The following ROBO2 variants were observed in gnomAD, a reference collection of about 807,000 sequenced individuals.
ROBO2 encodes the protein roundabout guidance receptor 2.
A neutral mutation model predicts 160.8 loss-of-function variants in ROBO2; 53 were observed. That is an observed-to-expected ratio of 0.33 (90% CI 0.26 to 0.41). The LOEUF (loss-of-function observed/expected upper bound fraction) is 0.41, where lower values mean the gene tolerates loss of function less well. Among genes scored for constraint, ROBO2 ranks in the 10% least tolerant of loss-of-function variants. The pLI, the probability that ROBO2 is intolerant of heterozygous loss-of-function variation, is 1.00. For synonymous variants in ROBO2, 664 were observed against 611.7 expected (o/e 1.09, Z -1.26); for missense variants, 1,577 against 1,722.4 (o/e 0.92, Z 1.49).
At chr3:75,942,145 C>T (rs1404281854) in intron 2 of ROBO2, among the ~76,000 whole-genome samples, 1 of 152,058 alleles carries the variant, frequency 6.6e-6, no homozygotes, top group Non-Finnish European at 1.5e-5. Context: ...ACAGCTACAG[C>T]TTTTAATTAG....
chr3:76,929,099 A>C (rs1017646205), intron 2 of ROBO2, among the ~76,000 whole-genome samples: 10 of 152,222 alleles, frequency 6.6e-5, no homozygotes, highest in Non-Finnish European at 1.5e-4. Flanking sequence ...ATCTGTACTA[A>C]AAATACAAAA....
chr3:76,862,583 G>A (rs1343377486), intron 2 of ROBO2, among the ~76,000 whole-genome samples: 3 of 152,078 alleles, frequency 2.0e-5, no homozygotes, highest in African/African-American at 7.2e-5. Flanking sequence ...CCAAGGCTGT[G>A]TGTTCAGATT....
intron 2 of ROBO2, among the ~76,000 whole-genome samples, chr3:76,227,928 T>C (rs989403905): frequency 1.3e-5 from 2 of 152,332 alleles, no homozygotes; most frequent in South Asian, 4.1e-4. Flanking sequence ...TTAGATTTCG[T>C]TTAAAGATAT....
intron 2 of ROBO2, among the ~76,000 whole-genome samples, chr3:77,402,686 C>A (rs2075912723): frequency 6.6e-6 from 1 of 151,988 alleles, no homozygotes; most frequent in African/African-American, 2.4e-5. Flanking sequence ...CTCCAGTAAA[C>A]ACAGTGCACA....
intron 2 of ROBO2, among the ~76,000 whole-genome samples, chr3:77,295,474 ATGGGTAAG>A (rs1221579843): frequency 2.7e-5 from 4 of 150,922 alleles, no homozygotes; most frequent in African/African-American, 4.9e-5. Context: ...TGACGGTTAA[ATGGGTAAG>A]CTGAGGCTAG....
At chr3:77,324,854 T>C (rs1481009481) in intron 2 of ROBO2, among the ~76,000 whole-genome samples, 1 of 147,692 alleles carries the variant, frequency 6.8e-6, no homozygotes, top group African/African-American at 2.6e-5. Flanking sequence ...AACTAGCGCG[T>C]GTTTCCTGTA....
chr3:76,231,393 T>C lies in ROBO2; in HGVS notation c.109+293791T>C, dbSNP rs142017642. 2.7e-4 allele frequency among the ~76,000 whole-genome samples: 41 copies of C among 152,326 alleles called. 1 individual carries two copies. Among genetic ancestry groups the C allele is most frequent in the African/African-American group, 7.0e-4 (29 of 41,580 alleles). On this transcript the variant is annotated intron_variant, in intron 2 of 26. Coordinates refer to the ROBO2 transcript ENST00000487694. ...TGTCCATTCCTTCTCAGGCTCATTC[T>C]CTTCCTCTGTAGTCCTTCATCTGTA...
At chr3:77,514,753 A>T (rs1263188330) in intron 5 of ROBO2, among the ~76,000 whole-genome samples, 14 of 151,832 alleles carry the variant, frequency 9.2e-5, no homozygotes, top group Admixed American at 4.6e-4. Flanking sequence ...ATATTTTCCC[A>T]ATTTTCCAAT....
At chr3:76,433,203 A>G (rs1216593638) in intron 2 of ROBO2, among the ~76,000 whole-genome samples, 1 of 152,176 alleles carries the variant, frequency 6.6e-6, no homozygotes, top group Non-Finnish European at 1.5e-5. Flanking sequence ...TTCTTTCAAA[A>G]GGGAATGTAA....
intron 2 of ROBO2, among the ~76,000 whole-genome samples, chr3:76,197,408 A>G (rs111823883): frequency 3.8e-4 from 57 of 149,344 alleles, no homozygotes; most frequent in Non-Finnish European, 5.2e-4. Context: ...CAATCTCTCT[A>G]TAGATTTGGA....
At chr3:77,518,983 A>G (rs2153624669) in intron 5 of ROBO2, among the ~76,000 whole-genome samples, 1 of 151,616 alleles carries the variant, frequency 6.6e-6, no homozygotes, top group South Asian at 2.1e-4. Context: ...TAGTTTTACA[A>G]TCTGTATCTG....
At chr3:76,959,737 A>T (rs771884074) in intron 2 of ROBO2, among the ~76,000 whole-genome samples, 1 of 152,080 alleles carries the variant, frequency 6.6e-6, no homozygotes, top group Non-Finnish European at 1.5e-5. Flanking sequence ...ATCATAAAAA[A>T]CCTTAAGGAA....
chr3:76,182,092 A>G (rs1179994131), intron 2 of ROBO2, among the ~76,000 whole-genome samples: 1 of 152,194 alleles, frequency 6.6e-6, no homozygotes, highest in Non-Finnish European at 1.5e-5. Flanking sequence ...CAGGAGCATT[A>G]GATGGCTAGA....
intron 2 of ROBO2, among the ~76,000 whole-genome samples, chr3:76,884,163 G>A (rs2073646091): frequency 6.6e-6 from 1 of 151,932 alleles, no homozygotes; most frequent in South Asian, 2.1e-4. Flanking sequence ...GTTTAAATTT[G>A]GCATAATTCT....
chr3:77,500,073 A>C (rs942571909), intron 5 of ROBO2, among the ~76,000 whole-genome samples: 1 of 152,172 alleles, frequency 6.6e-6, no homozygotes, highest in African/African-American at 2.4e-5. Context: ...CCTCCAGTGC[A>C]ATCAGTCACC....
At chr3:76,848,191 T>C (rs2068960621) in intron 2 of ROBO2, among the ~76,000 whole-genome samples, 1 of 152,198 alleles carries the variant, frequency 6.6e-6, no homozygotes. Flanking sequence ...AATTTTGGTA[T>C]ATTGCATAGG....
At chr3:76,752,169 A>G (rs192559318) in intron 2 of ROBO2, among the ~76,000 whole-genome samples, 87 of 151,758 alleles carry the variant, frequency 5.7e-4, no homozygotes, top group African/African-American at 2.0e-3. Context: ...AGAAACCATC[A>G]TTCTGAACTA....
intron 1 of ROBO2, among the ~76,000 whole-genome samples, chr3:75,932,179 C>T (rs1947574214): frequency 6.6e-6 from 1 of 152,112 alleles, no homozygotes; most frequent in Non-Finnish European, 1.5e-5. Context: ...CACCCTGCTT[C>T]TCTGGAGAGA....
chr3:77,212,882 G>T (rs1209900894), intron 2 of ROBO2, among the ~76,000 whole-genome samples: 1 of 152,132 alleles, frequency 6.6e-6, no homozygotes, highest in Non-Finnish European at 1.5e-5. Flanking sequence ...TACGTTTATT[G>T]ATTTGCATAT....
Sources: allele counts gnomAD v4.1 joint callset (sites outside exome capture counted in the v4.1 genomes callset), GRCh38; gene constraint gnomAD v4.1.1; transcripts MANE v1.5; gene names NCBI Gene and HGNC (gene_info 2026-07-23, HGNC 2026-07-21).